Variants in TRIM5 observed in about 807,000 individuals in gnomAD.
TRIM5 encodes tripartite motif-containing protein 5.
A neutral mutation model predicts 35.6 loss-of-function variants in TRIM5; 31 were observed. The ratio of observed to expected loss-of-function variants is 0.87; its 90% confidence interval spans 0.65 to 1.18. The LOEUF (loss-of-function observed/expected upper bound fraction) is 1.18. Ranked by LOEUF, TRIM5 falls within the 50% of genes most tolerant of loss-of-function variation. The pLI is 0.00. For missense variants in TRIM5, 609 were observed against 591.6 expected, an observed-to-expected ratio of 1.03 and a Z score of -0.31; for synonymous variants, 243 against 215.6, an observed-to-expected ratio of 1.13 and a Z score of -1.11.
At chr11:5,648,687 T>A in the TRIM5 span, among the ~76,000 whole-genome samples, 4,684 of 152,206 alleles carry the variant, frequency 0.031, 165 homozygotes, top group East Asian at 0.14. Flanking sequence ...GGCTGTCAAG[T>A]TCTCTAAAAA....
chr11:5,657,719 T>TA, the TRIM5 span, among the ~76,000 whole-genome samples: 1 of 132,984 alleles, frequency 7.5e-6, no homozygotes, highest in East Asian at 2.0e-4. Context: ...TATATATATA[T>TA]ATTATATTGT....
intron 6 of TRIM5, 81 bp downstream of exon 6, chr11:5,665,900 G>A (rs55915526): frequency 8.3e-5 from 117 of 1,411,672 alleles, no homozygotes; most frequent in Middle Eastern, 5.5e-4. Context: ...ATCCATATTT[G>A]GAAACTGCAC....
the TRIM5 span, among the ~76,000 whole-genome samples, chr11:5,637,047 C>A: frequency 6.6e-6 from 1 of 152,170 alleles, no homozygotes; most frequent in African/African-American, 2.4e-5. Flanking sequence ...ATGGCGGCTG[C>A]CTGTAGTCCC....
At chr11:5,635,278 C>T in the TRIM5 span, among the ~76,000 whole-genome samples, 3 of 133,360 alleles carry the variant, frequency 2.2e-5, no homozygotes, top group Non-Finnish European at 4.6e-5. Flanking sequence ...TTTTTTGAGA[C>T]GGAGTCTCGC....
intron 4 of TRIM5, among the ~76,000 whole-genome samples, chr11:5,673,009 TAAC>T (rs1851687160): frequency 6.6e-6 from 1 of 151,978 alleles, no homozygotes; most frequent in East Asian, 1.9e-4. Context: ...ATGCAGAAAA[TAAC>T]AACATCAAAA....
At chr11:5,603,969 T>C in the TRIM5 span, among the ~76,000 whole-genome samples, 1 of 151,914 alleles carries the variant, frequency 6.6e-6, no homozygotes, top group South Asian at 2.1e-4. Context: ...TGGAGATATG[T>C]TGGCAGGGTA....
chr11:5,668,314 A>ATG lies in TRIM5; in HGVS notation c.745-604_745-603insCA, dbSNP rs200661695. Among the ~76,000 whole-genome samples the ATG allele has an allele frequency of 9.0e-3, 1,365 of 152,066 alleles. 22 individuals are homozygous for ATG. Among genetic ancestry groups the ATG allele is most frequent in the African/African-American group, 0.032 (1,318 of 41,442 alleles). On this transcript the variant is annotated intron_variant, in intron 4 of 7. Transcript: ENST00000380034. ...ATCACAAAAATAAACAAGAAAACAT[A>ATG]TATATATAAACTTATTCTCCAGGCA...
chr11:5,651,933 T>G, the TRIM5 span, among the ~76,000 whole-genome samples: 5 of 152,188 alleles, frequency 3.3e-5, no homozygotes, highest in African/African-American at 1.2e-4. Flanking sequence ...GTTGGCCACG[T>G]GTATGTCTTC....
chr11:5,673,149 A>G (rs1851698336), intron 4 of TRIM5, among the ~76,000 whole-genome samples: 1 of 152,140 alleles, frequency 6.6e-6, no homozygotes, highest in Admixed American at 6.6e-5. Context: ...CAGACTGGGT[A>G]AAGAAGAAGA....
the TRIM5 span, chr11:5,643,299 G>C: frequency 6.2e-7 from 1 of 1,614,054 alleles, no homozygotes. Context: ...TTACTGGGAA[G>C]TGGACGTGTC....
At chr11:5,632,130 T>A in the TRIM5 span, 1 of 1,371,088 alleles carries the variant, frequency 7.3e-7, no homozygotes, top group Middle Eastern at 2.5e-4. Flanking sequence ...TCAGCCATTT[T>A]TGGTTTCTCT....
the TRIM5 span, chr11:5,605,306 A>G: frequency 6.2e-7 from 1 of 1,613,340 alleles, no homozygotes; most frequent in Admixed American, 1.7e-5. Context: ...GTGACCGACT[A>G]GCAGCCTCTT....
chr11:5,620,879 T>C, the TRIM5 span, among the ~76,000 whole-genome samples: 873 of 152,322 alleles, frequency 5.7e-3, 8 homozygotes, highest in African/African-American at 0.019. Context: ...ACATAGTATA[T>C]ATGGTAGAGT....
chr11:5,634,747 G>A, the TRIM5 span: 8 of 1,614,074 alleles, frequency 5.0e-6, no homozygotes, highest in Middle Eastern at 1.6e-4. Context: ...AAAAGAAGAC[G>A]CTGGATAAGT....
chr11:5,644,913 T>G, the TRIM5 span, among the ~76,000 whole-genome samples: 12 of 152,306 alleles, frequency 7.9e-5, no homozygotes, highest in East Asian at 2.3e-3. Flanking sequence ...GAATACATTC[T>G]TGCTGTGAGT....
At chr11:5,592,144 G>T in the TRIM5 span, among the ~76,000 whole-genome samples, 1 of 152,116 alleles carries the variant, frequency 6.6e-6, no homozygotes, top group African/African-American at 2.4e-5. Context: ...CAAACAAAAA[G>T]CTATATTTAA....
chr11:5,604,503 A>G, the TRIM5 span: 40 of 1,597,468 alleles, frequency 2.5e-5, no homozygotes, highest in East Asian at 2.0e-4. Context: ...TGAAGGCTTG[A>G]TCCTGCTTGA....
the TRIM5 span, among the ~76,000 whole-genome samples, chr11:5,606,804 T>C: frequency 6.6e-6 from 1 of 152,226 alleles, no homozygotes. Flanking sequence ...CCCACGGACA[T>C]TTAAACTTGA....
At chr11:5,650,950 T>C in the TRIM5 span, among the ~76,000 whole-genome samples, 2 of 152,204 alleles carry the variant, frequency 1.3e-5, no homozygotes, top group African/African-American at 4.8e-5. Flanking sequence ...GGCTTGATCA[T>C]ATGGTCCCAG....
Sources: allele counts gnomAD v4.1 joint callset (sites outside exome capture counted in the v4.1 genomes callset), GRCh38; gene constraint gnomAD v4.1.1; transcripts MANE v1.5; gene names NCBI Gene and HGNC (gene_info 2026-07-23, HGNC 2026-07-21).